KY: variants seen among roughly 807,000 people sequenced by gnomAD.
KY encodes kyphoscoliosis peptidase.
Under a neutral mutation model 76.1 loss-of-function variants are expected in KY, and 43 were observed. The ratio of observed to expected loss-of-function variants is 0.57; its 90% CI spans 0.44 to 0.73. The LOEUF (loss-of-function observed/expected upper bound fraction) is 0.73, where lower values mean the gene tolerates loss of function less well. KY is among the 30% of genes least tolerant of loss of function. The pLI is 0.00. For missense variants in KY, 722 were observed against 828.9 expected (o/e 0.87, Z 1.58); for synonymous variants, 277 against 326.2 (o/e 0.85, Z 1.63).
intron 5 of KY, among the ~76,000 whole-genome samples, chr3:134,626,231 C>G (rs1469317316): frequency 3.3e-5 from 5 of 152,200 alleles, no homozygotes; most frequent in African/African-American, 1.2e-4. Context: ...ATGTCGGGAG[C>G]CTCTGGGTGC....
At chr3:134,621,019 G>A (rs1962531455) in intron 6 of KY, among the ~76,000 whole-genome samples, 162 bp from the exon 7 acceptor site, 1 of 152,166 alleles carries the variant, frequency 6.6e-6, no homozygotes, top group South Asian at 2.1e-4. Flanking sequence ...GGGAGGAGGT[G>A]GGGGAAGTTG....
Position 134,629,602 on chromosome 3 carries a change from G to A in KY, c.337+19C>T. 1 of 1,581,194 alleles carries A rather than the reference G, an allele frequency of 6.3e-7. No individual in the cohort carries two copies. Among genetic ancestry groups the A allele is most frequent in the African/African-American group, 1.3e-5 (1 of 74,426 alleles). On this transcript the variant is annotated intron_variant, in intron 4 of 10. Coordinates refer to ENST00000423778, the MANE Select transcript of KY (RefSeq NM_178554.6). ...CCTCTCTGCCAGCCCTCCACCATGA[G>A]TACCTGTGTCATACATACGTTTAGC... is the stretch of plus-strand genomic sequence containing the variant.
At chr3:134,619,091 TGGAAGA>T in intron 8 of KY, 51 bp downstream of exon 8, 2 of 1,400,942 alleles carry the variant, frequency 1.4e-6, no homozygotes, top group South Asian at 2.3e-5. Flanking sequence ...CATGGCACTG[TGGAAGA>T]GGGAGAGGGA....
At chr3:134,618,582 T>G (rs1476271902) in intron 8 of KY, among the ~76,000 whole-genome samples, 1 of 135,750 alleles carries the variant, frequency 7.4e-6, no homozygotes, top group Non-Finnish European at 1.5e-5. Flanking sequence ...GAACTGGCAA[T>G]GGCCTGTTCT....
At chr3:134,634,292 C>T (rs769252714) in intron 3 of KY, among the ~76,000 whole-genome samples, 1 of 151,564 alleles carries the variant, frequency 6.6e-6, no homozygotes, top group Non-Finnish European at 1.5e-5. Context: ...ACTGGAATAA[C>T]TAAACTAATT....
At chr3:134,639,047 CT>C (rs5852788) in intron 3 of KY, among the ~76,000 whole-genome samples, 9 of 135,852 alleles carry the variant, frequency 6.6e-5, no homozygotes, top group Admixed American at 6.0e-4. Flanking sequence ...CATTTACAGC[CT>C]TTTTTTTTTT....
chr3:134,603,888 G>A lies in KY; in HGVS notation c.1677C>T (p.Ala559=). The change falls in exon 11 of 11, where the codon GCC becomes GCT. Residue 559 remains alanine, a synonymous_variant. Coordinates refer to ENST00000423778, the MANE Select transcript of KY (RefSeq NM_178554.6). The part of the protein sequence containing the change: ...IFVFNYLVCC[A]NTKVNWPMFP... ...ACATGGGCCAGTTCACCTTGGTGTT[G>A]GCACAGCATACAAGGTAATTAAAGA... 1.2e-6 allele frequency: 2 copies of A among 1,614,034 alleles called. No homozygotes were observed. Among genetic ancestry groups the A allele is most frequent in the Middle Eastern group, 3.3e-4 (2 of 6,062 alleles).
At chr3:134,607,806 T>C in intron 10 of KY, 1 of 987,772 alleles carries the variant, frequency 1.0e-6, no homozygotes, top group Non-Finnish European at 1.2e-6. Flanking sequence ...TATCCTATAC[T>C]GCCCCAGGGG....
chr3:134,608,900 C>T lies in KY; in HGVS notation c.900-61G>A, dbSNP rs569717843. 1.7e-4 allele frequency: 265 copies of T among 1,545,102 alleles called. 2 individuals are homozygous for T. In the African/African-American group the frequency reaches 3.2e-3, roughly 19 times the overall value. On this transcript the variant is annotated intron_variant, in intron 9 of 10. Coordinates refer to ENST00000423778, the MANE Select transcript of KY (RefSeq NM_178554.6). ...ATGCAGGGGAGGCAGGGGCCCAATA[C>T]ACCCACCGGAGTGGTCCTATGGACA... is the stretch of plus-strand genomic sequence containing the variant.
At chr3:134,646,340 G>A (rs1258924213) in intron 2 of KY, among the ~76,000 whole-genome samples, 3 of 152,130 alleles carry the variant, frequency 2.0e-5, no homozygotes, top group East Asian at 1.9e-4. Flanking sequence ...GTGGGGATGG[G>A]GAGTGTGTCT....
chr3:134,625,433 T>C (rs1485510245), intron 5 of KY, among the ~76,000 whole-genome samples: 1 of 152,274 alleles, frequency 6.6e-6, no homozygotes, highest in Non-Finnish European at 1.5e-5. Context: ...GTTAACCCAG[T>C]AGTTCCCAGA....
intron 5 of KY, among the ~76,000 whole-genome samples, chr3:134,627,286 T>C (rs1200557263): frequency 6.6e-6 from 1 of 152,184 alleles, no homozygotes; most frequent in East Asian, 1.9e-4. Context: ...CACCCCGCCT[T>C]AGATGACATC....
intron 3 of KY, among the ~76,000 whole-genome samples, chr3:134,637,498 C>G (rs145353125): frequency 7.4e-4 from 113 of 152,306 alleles, no homozygotes; most frequent in African/African-American, 2.7e-3. Context: ...GTAAAGAACT[C>G]TATTTGACCC....
intron 10 of KY, chr3:134,607,177 G>A: frequency 1.0e-6 from 1 of 985,450 alleles, no homozygotes; most frequent in Non-Finnish European, 1.2e-6. Flanking sequence ...AACAAGCCCT[G>A]CATCTGTTGT....
rs565873274 is a variant in KY at position 134,604,155 on chromosome 3, G to A, written c.1410C>T (p.Asp470=). The A allele has an allele frequency of 5.0e-6, 8 of 1,608,708 alleles. No homozygotes were observed. Among genetic ancestry groups the A allele is most frequent in the Non-Finnish European group, 6.8e-6 (8 of 1,177,364 alleles). Residue 470 remains aspartate, a synonymous_variant, in exon 11 of 11, where the codon GAC becomes GAT. Transcript: ENST00000423778. The part of the protein sequence containing the change: ...QMGIMKPSHP[D]PIIHTSDGRC... ...GCCCGTCGCTGGTGTGGATGATAGGGTCAGGGTGGGAGGGCTTCATGATGC... is the reference window on the plus strand; with the variant it reads ...GCCCGTCGCTGGTGTGGATGATAGGATCAGGGTGGGAGGGCTTCATGATGC...
rs560532865 is a variant in KY, at chr3:134,600,437, G to A, written c.*3142C>T. Among the ~76,000 whole-genome samples the A allele has an allele frequency of 1.3e-5, 2 of 152,310 alleles. No homozygotes were observed. Among genetic ancestry groups the A allele is most frequent in the East Asian group, 3.9e-4 (2 of 5,182 alleles). On this transcript the variant is annotated 3_prime_UTR_variant, in exon 11 of 11. Transcript: ENST00000423778. ...ATTTATTTACTTTTAATCTTAGCAG[G>A]CAGTGAGGAGGCTGTCCTGGTAGGA...
In KY at chr3:134,603,872, A is replaced by C; in HGVS notation, c.1693T>G (p.Trp565Gly). ...CCAAAGCTCTCAGGGAACATGGGCCAGTTCACCTTGGTGTTGGCACAGCAT... is the reference window on the plus strand; with the variant it reads ...CCAAAGCTCTCAGGGAACATGGGCCCGTTCACCTTGGTGTTGGCACAGCAT... ...LVCCANTKVN[W>G]PMFPESFGNW... The change falls in exon 11 of 11, where the codon TGG becomes GGG. Residue 565 changes from tryptophan to glycine, a missense_variant. Coordinates refer to ENST00000423778, the MANE Select transcript of KY (RefSeq NM_178554.6). 6.2e-7 allele frequency: 1 copy of C among 1,614,048 alleles called. No individual in the cohort carries two copies. The highest frequency in any genetic ancestry group is 8.5e-7 in the Non-Finnish European group (1 of 1,179,904).
rs371876863 is a variant in KY, at chr3:134,621,618, A to G, written c.484-761T>C. Reference sequence around the variant, plus strand: ...GAGCTTAAACCATAAAACTCTCAGAAGAAAACACTGGGGTTAATCTTCATG... The same window carrying G: ...GAGCTTAAACCATAAAACTCTCAGAGGAAAACACTGGGGTTAATCTTCATG... On this transcript the variant is annotated intron_variant, in intron 6 of 10. Transcript: ENST00000423778. Among the ~76,000 whole-genome samples, 8 of 152,354 alleles carry G rather than the reference A, an allele frequency of 5.3e-5. No homozygotes were observed. The East Asian group carries it at 1.5e-3, about 29-fold the overall frequency.
intron 1 of KY, among the ~76,000 whole-genome samples, chr3:134,648,309 AG>A (rs1231496307): frequency 6.6e-6 from 1 of 152,092 alleles, no homozygotes; most frequent in East Asian, 1.9e-4. Flanking sequence ...TCAACCACTC[AG>A]GGGCCGCCAC....
Sources: gnomAD v4.1 joint callset for allele counts (sites outside exome capture counted in the v4.1 genomes callset) on GRCh38, gnomAD v4.1.1 for gene constraint, MANE v1.5 for transcripts, NCBI Gene and HGNC (gene_info 2026-07-23, HGNC 2026-07-21) for gene names.